THSD4: variants seen among roughly 807,000 people sequenced by gnomAD.
THSD4 encodes the protein thrombospondin type-1 domain-containing protein 4.
A neutral mutation model predicts 119.0 loss-of-function variants in THSD4; 69 were observed. The observed-to-expected ratio is 0.58, with a 90% CI of 0.48 to 0.71. The LOEUF (loss-of-function observed/expected upper bound fraction) is 0.71. Ranked by LOEUF, THSD4 falls within the 30% of genes least tolerant of loss-of-function variation. The pLI is 0.00. For synonymous variants in THSD4, 524 were observed against 540.4 expected (o/e 0.97, Z 0.42); for missense variants, 1,393 against 1,391.1 (o/e 1.00, Z -0.02).
intron 7 of THSD4, among the ~76,000 whole-genome samples, chr15:71,465,686 C>A (rs2047489250): frequency 6.6e-6 from 1 of 152,212 alleles, no homozygotes; most frequent in Admixed American, 6.5e-5. Flanking sequence ...GTATTCATCT[C>A]CCCTGTTGGG....
intron 7 of THSD4, among the ~76,000 whole-genome samples, chr15:71,443,712 G>A (rs1486593666): frequency 6.6e-6 from 1 of 151,944 alleles, no homozygotes; most frequent in Non-Finnish European, 1.5e-5. Context: ...TTTTTGAAAA[G>A]CATAAAAGGT....
At chr15:71,344,501 G>T (rs1360782023) in intron 6 of THSD4, among the ~76,000 whole-genome samples, 1 of 152,152 alleles carries the variant, frequency 6.6e-6, no homozygotes. Context: ...CTTCAAACAT[G>T]TTTCACGCCT....
At chr15:71,666,914 G>A (rs1314495161) in intron 8 of THSD4, among the ~76,000 whole-genome samples, 3 of 152,192 alleles carry the variant, frequency 2.0e-5, no homozygotes, top group African/African-American at 4.8e-5. Context: ...ACTCCTAGGA[G>A]GAGTGGCCTA....
chr15:71,563,874 C>A (rs907392459), intron 7 of THSD4, among the ~76,000 whole-genome samples: 5 of 152,094 alleles, frequency 3.3e-5, no homozygotes, highest in African/African-American at 1.2e-4. Context: ...CCCTAACATG[C>A]CCCAGACCTC....
chr15:71,635,347 G>T (rs2050718591), intron 7 of THSD4, among the ~76,000 whole-genome samples: 1 of 139,830 alleles, frequency 7.2e-6, no homozygotes, highest in Non-Finnish European at 1.5e-5. Context: ...TGCCAAGCAG[G>T]AGATTTAGTG....
chr15:71,737,750 A>G lies in THSD4; in HGVS notation c.1649A>G (p.Gln550Arg). 3.7e-6 allele frequency: 6 copies of G among 1,612,088 alleles called. No homozygotes were observed. Among genetic ancestry groups the G allele is most frequent in the Non-Finnish European group, 4.2e-6 (5 of 1,178,912 alleles). The change falls in exon 11 of 18, where the codon CAG becomes CGG. Residue 550 changes from glutamine to arginine, a missense_variant. Transcript: ENST00000261862. ...CTCCTAGGGGAACCCTTCAATGGCC[A>G]GATGGTGACAGAAGGCAGGAGCCAG... ...HRRPGEPFNG[Q>R]MVTEGRSQEE...
intron 6 of THSD4, among the ~76,000 whole-genome samples, chr15:71,325,873 A>G (rs1415852693): frequency 1.3e-5 from 2 of 152,248 alleles, no homozygotes; most frequent in Non-Finnish European, 2.9e-5. Context: ...TTATGATAAC[A>G]TCAAAACCAG....
At chr15:71,532,126 T>C (rs1395905403) in intron 7 of THSD4, among the ~76,000 whole-genome samples, 1 of 152,180 alleles carries the variant, frequency 6.6e-6, no homozygotes, top group Non-Finnish European at 1.5e-5. Context: ...TGAGCAGACA[T>C]GCAACGGTGG....
chr15:71,769,219 G>A (rs2053775640), intron 16 of THSD4, among the ~76,000 whole-genome samples: 1 of 10,312 alleles, frequency 9.7e-5, no homozygotes, highest in East Asian at 1.7e-3. Context: ...CCGGCCAGCC[G>A]CCCCGTCCGG....
At chr15:71,485,023 G>A (rs1261757178) in intron 7 of THSD4, among the ~76,000 whole-genome samples, 6 of 152,106 alleles carry the variant, frequency 3.9e-5, no homozygotes, top group Admixed American at 6.5e-5. Flanking sequence ...CTTCAAATAC[G>A]TTGTTTCTCC....
At chr15:71,362,631 T>G (rs2045906604) in intron 6 of THSD4, among the ~76,000 whole-genome samples, 1 of 152,166 alleles carries the variant, frequency 6.6e-6, no homozygotes, top group African/African-American at 2.4e-5. Flanking sequence ...TTTTTAGTAT[T>G]CTTGAACTAT....
At chr15:71,718,398 C>T (rs1268886166) in intron 8 of THSD4, among the ~76,000 whole-genome samples, 2 of 152,154 alleles carry the variant, frequency 1.3e-5, no homozygotes, top group African/African-American at 2.4e-5. Context: ...GGGAGCGTGG[C>T]CTGAGATGGC....
At chr15:71,392,108 T>G (rs529182726) in intron 6 of THSD4, among the ~76,000 whole-genome samples, 1 of 152,316 alleles carries the variant, frequency 6.6e-6, no homozygotes, top group Non-Finnish European at 1.5e-5. Context: ...CCAAGATCAA[T>G]TTACTACTTA....
chr15:71,473,486 G>A (rs2140646166), intron 7 of THSD4, among the ~76,000 whole-genome samples: 1 of 152,312 alleles, frequency 6.6e-6, no homozygotes, highest in African/African-American at 2.4e-5. Flanking sequence ...CTGTTTCTGA[G>A]CCTTCAAATC....
intron 11 of THSD4, 153 bp downstream of exon 11, chr15:71,738,160 G>C: frequency 9.5e-7 from 1 of 1,056,782 alleles, no homozygotes; most frequent in Non-Finnish European, 1.3e-6. Context: ...TTGGGGGATG[G>C]TTTCTGGGTG....
chr15:71,378,061 A>G (rs2046174119), intron 6 of THSD4, among the ~76,000 whole-genome samples: 1 of 152,188 alleles, frequency 6.6e-6, no homozygotes, highest in Admixed American at 6.5e-5. Context: ...ACAGTTGTTC[A>G]GGTTGTGCAC....
intron 7 of THSD4, among the ~76,000 whole-genome samples, chr15:71,562,474 G>A (rs2049140103): frequency 6.6e-6 from 1 of 152,086 alleles, no homozygotes; most frequent in East Asian, 1.9e-4. Flanking sequence ...CCTACCATGT[G>A]CCAGGCATTA....
chr15:71,551,381 A>G (rs1274712019), intron 7 of THSD4, among the ~76,000 whole-genome samples: 3 of 152,206 alleles, frequency 2.0e-5, no homozygotes, highest in Non-Finnish European at 4.4e-5. Flanking sequence ...AGGGTCTCTC[A>G]TTAATTGCAA....
intron 7 of THSD4, among the ~76,000 whole-genome samples, chr15:71,447,160 C>T (rs1247632322): frequency 3.3e-5 from 4 of 122,876 alleles, no homozygotes; most frequent in South Asian, 5.5e-4. Context: ...CTCACTCTGT[C>T]GCCAGGCTGG....
Sources: allele counts gnomAD v4.1 joint callset (sites outside exome capture counted in the v4.1 genomes callset), GRCh38; gene constraint gnomAD v4.1.1; transcripts MANE v1.5; gene names NCBI Gene and HGNC (gene_info 2026-07-23, HGNC 2026-07-21).